The following PEMT variants were observed in gnomAD, a reference collection of about 807,000 sequenced individuals.
PEMT encodes the protein phosphatidylethanolamine N-methyltransferase.
A neutral mutation model predicts 27.4 loss-of-function variants in PEMT; 23 were observed. The observed-to-expected ratio is 0.84, with a 90% CI of 0.60 to 1.19. The LOEUF (loss-of-function observed/expected upper bound fraction) is 1.19. Ranked by LOEUF, PEMT falls within the 50% of genes most tolerant of loss-of-function variation. PEMT has a pLI of 0.00. For missense variants in PEMT, 307 were observed against 310.1 expected (o/e 0.99, Z 0.07); for synonymous variants, 137 against 139.1 (o/e 0.98, Z 0.11).
Position 17,582,497 on chromosome 17 carries a change from G to T in PEMT, c.97-5470C>A. The T allele has an allele frequency of 1.1e-6, 1 of 889,646 alleles. No individual in the cohort carries two copies. Among genetic ancestry groups the T allele is most frequent in the South Asian group, 5.2e-5 (1 of 19,414 alleles). 55.1% of individuals were successfully genotyped at this position (889,646 alleles called of 1,614,324 possible). The stretch of plus-strand genomic sequence containing the variant: ...ATGGACAAACAGCAGGCCTGGACAG[G>T]CAAAGTCACATCGATTCCAGGCCAC... On this transcript the variant is annotated intron_variant, in intron 1 of 6. Transcript: ENST00000255389. This position sits in a 1 kb window ranked among gnomAD's most constrained non-coding sequence, Gnocchi z 4.9.
chr17:17,574,467 A>G (rs762006147), intron 2 of PEMT, among the ~76,000 whole-genome samples: 2 of 151,984 alleles, frequency 1.3e-5, no homozygotes. Context: ...CTACAGGCGT[A>G]CACCATCACA....
chr17:17,516,366 G>T (rs1906837100), intron 3 of PEMT, among the ~76,000 whole-genome samples: 1 of 151,244 alleles, frequency 6.6e-6, no homozygotes, highest in Non-Finnish European at 1.5e-5. Flanking sequence ...CTTTGACGCT[G>T]CACTAATTCT....
At chr17:17,550,645 A>G (rs749829856) in intron 2 of PEMT, among the ~76,000 whole-genome samples, 9 of 152,206 alleles carry the variant, frequency 5.9e-5, no homozygotes, top group Non-Finnish European at 1.3e-4. Context: ...TTTAGTTGAC[A>G]ATTACTTGTA....
At chr17:17,535,185 C>G (rs948389228) in intron 2 of PEMT, among the ~76,000 whole-genome samples, 1 of 152,086 alleles carries the variant, frequency 6.6e-6, no homozygotes, top group African/African-American at 2.4e-5. Context: ...GCTGGGATTA[C>G]AGGCTGAACC....
chr17:17,549,009 G>A (rs2142635386), intron 2 of PEMT, among the ~76,000 whole-genome samples: 1 of 152,194 alleles, frequency 6.6e-6, no homozygotes, highest in Non-Finnish European at 1.5e-5. Flanking sequence ...GCAGTGACAA[G>A]CAGCCATGGA....
intron 2 of PEMT, among the ~76,000 whole-genome samples, chr17:17,563,624 C>T (rs1048340040): frequency 6.6e-6 from 1 of 152,234 alleles, no homozygotes; most frequent in African/African-American, 2.4e-5. Flanking sequence ...TGCTTTATTA[C>T]AACCATGCTG....
At position 17,563,007 on chromosome 17, in the gene PEMT, G is replaced by C. The variant is rs547225781; in HGVS notation, c.204+13913C>G. 2.4e-3 allele frequency among the ~76,000 whole-genome samples: 358 copies of C among 152,256 alleles called. 1 individual carries two copies. Among genetic ancestry groups the C allele is most frequent in the Non-Finnish European group, 3.6e-3 (244 of 68,004 alleles). ...TTTTCCATGCCTCTCAATTCAAAGG[G>C]AAGGAGGCCTCAAGTGGCTGCTGGT... is the stretch of plus-strand genomic sequence containing the variant. On this transcript the variant is annotated intron_variant, in intron 2 of 6. Transcript: ENST00000255389.
At chr17:17,507,325 CT>C (rs1180618288) in intron 5 of PEMT, 1 of 731,442 alleles carries the variant, frequency 1.4e-6, no homozygotes, top group African/African-American at 1.8e-5. Flanking sequence ...TTGGCTGCCC[CT>C]GTGCCAAGCT....
intron 2 of PEMT, among the ~76,000 whole-genome samples, chr17:17,556,446 T>C (rs1910061441): frequency 6.6e-6 from 1 of 151,820 alleles, no homozygotes; most frequent in South Asian, 2.1e-4. Flanking sequence ...TGATCTTGGC[T>C]CACTGCAACT....
Position 17,513,554 on chromosome 17 carries a change from G to T in PEMT, c.321-900C>A, listed in dbSNP as rs1906573260. Among the ~76,000 whole-genome samples the T allele has an allele frequency of 6.6e-6, 1 of 152,134 alleles. No homozygotes were observed. The highest frequency in any genetic ancestry group is 2.1e-4 in the South Asian group (1 of 4,826). On this transcript the variant is annotated intron_variant, in intron 3 of 6. Coordinates refer to ENST00000255389, the MANE Select transcript of PEMT (RefSeq NM_148172.3). This position sits in a 1 kb window ranked among gnomAD's most constrained non-coding sequence, Gnocchi z 4.1. The stretch of plus-strand genomic sequence containing the variant: ...GGAGTTTGCACACCACTGCACTCCA[G>T]CCTGGGCAATAGAGCGAGACTTAGT...
At chr17:17,525,420 C>A in intron 2 of PEMT, among the ~76,000 whole-genome samples, 1 of 152,216 alleles carries the variant, frequency 6.6e-6, no homozygotes, top group East Asian at 1.9e-4. Context: ...TCCTTCCCTG[C>A]CTGGCAGCAC....
chr17:17,578,811 A>G (rs1911794057), intron 1 of PEMT: 2 of 152,114 alleles, frequency 1.3e-5, no homozygotes, highest in Admixed American at 6.5e-5. Flanking sequence ...TAGCATTAGG[A>G]GGAATACCTA....
At chr17:17,522,767 C>T (rs1907371602) in intron 2 of PEMT, among the ~76,000 whole-genome samples, 1 of 152,148 alleles carries the variant, frequency 6.6e-6, no homozygotes, top group African/African-American at 2.4e-5. Context: ...CTGAGTGCAT[C>T]CCACAGACTC....
At position 17,523,155 on chromosome 17, in the gene PEMT, AG is replaced by A. The variant is rs1300233019; in HGVS notation, c.205-761del. On this transcript the variant is annotated intron_variant, in intron 2 of 6. Coordinates refer to ENST00000255389, the MANE Select transcript of PEMT (RefSeq NM_148172.3). The surrounding 1 kb of genome is among the most constrained non-coding windows in gnomAD (Gnocchi z 4.8). ...CTGAGGAAGGAACGGAGAGGAGGGG[AG>A]GGGGCAAGGAGGATGCAAAAAGACA... Among the ~76,000 whole-genome samples the A allele has an allele frequency of 2.0e-5, 3 of 151,862 alleles. No homozygotes were observed. The highest frequency in any genetic ancestry group is 7.3e-5 in the African/African-American group (3 of 41,318).
chr17:17,531,724 T>C (rs1008664801), intron 2 of PEMT, among the ~76,000 whole-genome samples: 3 of 150,526 alleles, frequency 2.0e-5, no homozygotes, highest in Non-Finnish European at 4.4e-5. Context: ...AACCTAAATC[T>C]ATATATAAAT....
At chr17:17,562,369 G>A (rs564681922) in intron 2 of PEMT, among the ~76,000 whole-genome samples, 227 of 152,318 alleles carry the variant, frequency 1.5e-3, no homozygotes, top group Middle Eastern at 6.8e-3. Flanking sequence ...GCTGACCACC[G>A]TGACAGTCAC....
chr17:17,519,500 C>T (rs1041122160), intron 3 of PEMT, among the ~76,000 whole-genome samples: 1 of 152,130 alleles, frequency 6.6e-6, no homozygotes. Context: ...ACTCCCAGGC[C>T]CCGGGATCCA....
chr17:17,547,470 G>A (rs190275742), intron 2 of PEMT, among the ~76,000 whole-genome samples: 1 of 152,334 alleles, frequency 6.6e-6, no homozygotes, highest in Non-Finnish European at 1.5e-5. Flanking sequence ...CTGGAGCGAG[G>A]GCAGTCAGGG....
chr17:17,512,396 C>G lies in PEMT; in HGVS notation c.466+113G>C. 1 of 1,065,058 alleles carries G rather than the reference C, an allele frequency of 9.4e-7. No homozygotes were observed. Among genetic ancestry groups the G allele is most frequent in the Non-Finnish European group, 1.3e-6 (1 of 786,974 alleles). The allele number at this position is 1,065,058 out of a possible 1,614,324, so 66.0% of individuals were successfully genotyped here. On this transcript the variant is annotated intron_variant, in intron 4 of 6. Transcript: ENST00000255389. This position sits in a 1 kb window ranked among gnomAD's most constrained non-coding sequence, Gnocchi z 6.3. ...AGCAAAGACGCCCCGATGGAGGGGG[C>G]CCCTAGCACTCCCACCGATGTCACG...
Sources: gnomAD v4.1 joint callset for allele counts (sites outside exome capture counted in the v4.1 genomes callset) on GRCh38, gnomAD v4.1.1 for gene constraint, Gnocchi (gnomAD v3.1) non-coding constraint, MANE v1.5 for transcripts, NCBI Gene and HGNC (gene_info 2026-07-23, HGNC 2026-07-21) for gene names.